Variants in PPFIA1 observed in about 807,000 individuals in gnomAD.
The protein encoded by PPFIA1 is PPFI scaffold protein A1, also known as liprin-alpha-1.
In PPFIA1, 25 loss-of-function variants were observed where a neutral mutation model predicts 149.9. The observed-to-expected ratio is 0.17, with a 90% CI of 0.12 to 0.23. The LOEUF is 0.23. Among genes scored for constraint, PPFIA1 ranks in the 10% least tolerant of loss-of-function variants. The pLI is 1.00. For synonymous variants in PPFIA1, 549 were observed against 552.8 expected, an observed-to-expected ratio of 0.99 and a Z score of 0.10; for missense variants, 1,362 against 1,506.5, an observed-to-expected ratio of 0.90 and a Z score of 1.59.
chr11:70,364,067 A>T (rs1479283739), intron 21 of PPFIA1, among the ~76,000 whole-genome samples: 1 of 152,114 alleles, frequency 6.6e-6, no homozygotes, highest in Non-Finnish European at 1.5e-5. Context: ...CCATCATTCC[A>T]GTTTGCGGAC....
chr11:70,374,068 T>C (rs2057381830), intron 23 of PPFIA1: 1 of 152,228 alleles, frequency 6.6e-6, no homozygotes, highest in African/African-American at 2.4e-5. Flanking sequence ...ATTGAATAAT[T>C]TGTTAATTTG....
Position 70,362,372 on chromosome 11 carries a change from A to G in PPFIA1, c.2749A>G (p.Thr917Ala). ...GGCCATCATGTCGGCCCTGTCCGAC[A>G]CAGAGATCCAGCGTGAGATTGGCAT... The part of the protein sequence containing the change: ...SGAIMSALSD[T>A]EIQREIGISN... The change falls in exon 21 of 28, where the codon ACA (threonine) becomes GCA (alanine). Residue 917 changes from threonine (T) to alanine (A), a missense_variant. Around this residue, in one of 7 missense-constraint regions of PPFIA1, gnomAD observed 349 missense variants for 373.3 expected, o/e 0.93. Coordinates refer to ENST00000253925, the MANE Select transcript of PPFIA1 (RefSeq NM_003626.5). 1 of 1,614,206 alleles carries G rather than the reference A, an allele frequency of 6.2e-7. No homozygotes were observed. Among genetic ancestry groups the G allele is most frequent in the Non-Finnish European group, 8.5e-7 (1 of 1,180,030 alleles).
At position 70,333,453 on chromosome 11, in the gene PPFIA1, G is replaced by A. The variant is rs201456984; in HGVS notation, c.1213-17G>A. On this transcript the variant is annotated splice_polypyrimidine_tract_variant and intron_variant, in intron 9 of 27. Coordinates refer to ENST00000253925, the MANE Select transcript of PPFIA1 (RefSeq NM_003626.5). ...AAGTGTAAGGATGACGTCAGCGTACGCTGTTTCTGCTGACAGGCTGAAGAG... is the reference window on the plus strand; with the variant it reads ...AAGTGTAAGGATGACGTCAGCGTACACTGTTTCTGCTGACAGGCTGAAGAG... 9 of 1,596,294 alleles carry A rather than the reference G, an allele frequency of 5.6e-6. No homozygotes were observed. Among genetic ancestry groups the A allele is most frequent in the South Asian group, 1.1e-5 (1 of 89,564 alleles).
intron 2 of PPFIA1, among the ~76,000 whole-genome samples, chr11:70,293,118 C>T (rs1302234762): frequency 1.3e-5 from 2 of 152,252 alleles, no homozygotes; most frequent in East Asian, 1.9e-4. Context: ...TAGACACACA[C>T]ACAGTGATGC....
At chr11:70,361,955 C>T (rs1282299834) in intron 19 of PPFIA1, 140 bp from the exon 20 acceptor site, 2 of 701,210 alleles carry the variant, frequency 2.9e-6, no homozygotes, top group African/African-American at 1.8e-5. Context: ...GAGTTGGGGT[C>T]TCGCTGTGTT....
intron 2 of PPFIA1, among the ~76,000 whole-genome samples, chr11:70,277,060 A>ATATATATTTTT: frequency 1.4e-4 from 9 of 66,312 alleles, no homozygotes; most frequent in African/African-American, 9.4e-4. Flanking sequence ...ATATATATAT[A>ATATATATTTTT]TTTTTTTTTT....
At chr11:70,356,309 C>G (rs979691313) in intron 19 of PPFIA1, 55 bp downstream of exon 19, 10 of 1,333,562 alleles carry the variant, frequency 7.5e-6, no homozygotes, top group Non-Finnish European at 1.1e-5. Flanking sequence ...TGTGCCTAAG[C>G]TCTAACTAGT....
At chr11:70,354,972 T>C (rs1418582946) in intron 17 of PPFIA1, among the ~76,000 whole-genome samples, 4 of 152,146 alleles carry the variant, frequency 2.6e-5, no homozygotes, top group Non-Finnish European at 5.9e-5. Flanking sequence ...AGTCTTGCTC[T>C]GTTGCCCAGG....
Position 70,355,722 on chromosome 11 carries a change from A to G in PPFIA1, c.2399A>G (p.Lys800Arg), listed in dbSNP as rs776800646. 4.3e-6 allele frequency: 7 copies of G among 1,614,184 alleles called. No homozygotes were observed. The East Asian group carries it at 6.7e-5, about 15-fold the overall frequency. ...SQDSLHKAPK[K>R]KGIKSSIGRL... ...GACTCGCTCCACAAAGCCCCAAAGA[A>G]GAAAGGCATTAAGTCCTCCATTGGC... Residue 800 changes from lysine (K) to arginine (R), a missense_variant, in exon 18 of 28, where the codon AAG becomes AGG. Around this residue, in one of 7 missense-constraint regions of PPFIA1, gnomAD observed 733 missense variants for 744.1 expected, o/e 0.99. Transcript: ENST00000253925.
chr11:70,283,364 C>G (rs1439356542), intron 2 of PPFIA1, among the ~76,000 whole-genome samples: 1 of 152,162 alleles, frequency 6.6e-6, no homozygotes, highest in Non-Finnish European at 1.5e-5. Context: ...GTTCACCTTT[C>G]ATTGCAGGTG....
At chr11:70,340,441 T>A (rs2055257935) in intron 14 of PPFIA1, among the ~76,000 whole-genome samples, 1 of 152,226 alleles carries the variant, frequency 6.6e-6, no homozygotes, top group Non-Finnish European at 1.5e-5. Context: ...AGACCCTGTT[T>A]CTACAAAATA....
At chr11:70,294,512 A>G (rs1014195794) in intron 2 of PPFIA1, among the ~76,000 whole-genome samples, 1 of 151,860 alleles carries the variant, frequency 6.6e-6, no homozygotes, top group Non-Finnish European at 1.5e-5. Flanking sequence ...GACAAAGGCA[A>G]AAAGTCAAAA....
At chr11:70,288,659 T>G (rs552284596) in intron 2 of PPFIA1, among the ~76,000 whole-genome samples, 5 of 152,320 alleles carry the variant, frequency 3.3e-5, no homozygotes, top group African/African-American at 1.2e-4. Context: ...TCTCCTTTGT[T>G]CACTTTCCAG....
In PPFIA1 at chr11:70,272,433, A is replaced by G; in HGVS notation, c.261A>G (p.Pro87=). 6.2e-7 allele frequency: 1 copy of G among 1,611,426 alleles called. No homozygotes were observed. The highest frequency in any genetic ancestry group is 8.5e-7 in the Non-Finnish European group (1 of 1,178,288). Residue 87 remains proline, a synonymous_variant, in exon 2 of 28, where the codon CCA becomes CCG. Transcript: ENST00000253925. ...AGAGACAGCTCAACACGGCACTTCC[A>G]CAGGTATGAGTGCTTTTAACCTGAA... The part of the protein sequence containing the change: ...SLQRQLNTAL[P]QEFAALTKEL...
At chr11:70,331,319 G>A (rs1041172377) in intron 8 of PPFIA1, among the ~76,000 whole-genome samples, 3 of 151,788 alleles carry the variant, frequency 2.0e-5, no homozygotes, top group Middle Eastern at 3.4e-3. Context: ...TTGTAATTAC[G>A]AGTATCACTG....
Position 70,348,245 on chromosome 11 carries a change from G to C in PPFIA1, c.1988G>C (p.Arg663Pro). 6.2e-7 allele frequency: 1 copy of C among 1,614,198 alleles called. No homozygotes were observed. Among genetic ancestry groups the C allele is most frequent in the Non-Finnish European group, 8.5e-7 (1 of 1,180,044 alleles). The change falls in exon 16 of 28, where the codon CGA becomes CCA. Residue 663 changes from arginine (R) to proline (P), a missense_variant. This residue lies in a region of PPFIA1 where 733 missense variants were observed against 744.1 expected (regional missense o/e 0.99). Coordinates refer to ENST00000253925, the MANE Select transcript of PPFIA1 (RefSeq NM_003626.5). Reference protein sequence around the residue: ...TEQRAEEIESRVGSGSLDNLG... With the variant: ...TEQRAEEIESPVGSGSLDNLG... ...CAGCGGGCAGAGGAGATTGAAAGTC[G>C]AGTTGGCAGTGGAAGTCTAGACAAT... is the stretch of plus-strand genomic sequence containing the variant.
At chr11:70,271,518 G>GC (rs2050090541) in intron 1 of PPFIA1, among the ~76,000 whole-genome samples, 1 of 143,456 alleles carries the variant, frequency 7.0e-6, no homozygotes, top group African/African-American at 2.8e-5. Flanking sequence ...TTCCATTGTG[G>GC]ATTTTTTTTT....
rs549502675 is a variant in PPFIA1 at position 70,280,210 on chromosome 11, A to ATG, written c.264+7780_264+7781dup. Reference sequence around the variant, plus strand: ...GGCATGAGCTAGCATGTGTGTATATATGTGTGTATATATATATACGTACAT... The same window carrying ATG: ...GGCATGAGCTAGCATGTGTGTATATATGTGTGTGTATATATATATACGTACAT... On this transcript the variant is annotated intron_variant, in intron 2 of 27. Coordinates refer to ENST00000253925, the MANE Select transcript of PPFIA1 (RefSeq NM_003626.5). Among the ~76,000 whole-genome samples, 218 of 137,400 alleles carry ATG rather than the reference A, an allele frequency of 1.6e-3. 1 individual carries two copies. The highest frequency in any genetic ancestry group is 6.9e-3 in the African/African-American group (210 of 30,590). 90.1% of individuals were successfully genotyped at this position (137,400 alleles called of 152,430 possible). A position where few individuals can be genotyped will look rare whatever the true frequency, so the allele number is the denominator to read the frequency against.
rs763517890 is a variant in PPFIA1, at chr11:70,344,793, G to A, written c.1931+901G>A. Among the ~76,000 whole-genome samples the A allele has an allele frequency of 1.1e-4, 17 of 152,202 alleles. No individual in the cohort carries two copies. The East Asian group carries it at 2.1e-3, about 19-fold the overall frequency. On this transcript the variant is annotated intron_variant, in intron 15 of 27. Transcript: ENST00000253925. The stretch of plus-strand genomic sequence containing the variant: ...TGCATCCCAGAGGACACAAACAGTC[G>A]ACAGATAGAGTCTGGTAGTGTGTGT...
Sources: allele counts gnomAD v4.1 joint callset (sites outside exome capture counted in the v4.1 genomes callset), GRCh38; gene constraint gnomAD v4.1.1; regional missense constraint gnomAD v4.1.1; transcripts MANE v1.5; gene names NCBI Gene and HGNC (gene_info 2026-07-23, HGNC 2026-07-21).